Variants in BRAT1 observed in about 807,000 individuals in gnomAD.
The protein encoded by BRAT1 is integrator complex assembly factor BRAT1.
In BRAT1, 74 loss-of-function variants were observed where a neutral mutation model predicts 70.6. That is an observed-to-expected ratio of 1.05 (90% CI 0.87 to 1.27). The LOEUF is 1.27. BRAT1 is among the 50% of genes most tolerant of loss of function. The pLI is 0.00. For missense variants in BRAT1, 1,203 were observed against 1,098.2 expected, an observed-to-expected ratio of 1.10 and a Z score of -1.35; for synonymous variants, 615 against 517.1, an observed-to-expected ratio of 1.19 and a Z score of -2.57.
rs1292589124 is a variant in BRAT1 at position 2,543,932 on chromosome 7, C to T, written c.461G>A (p.Gly154Glu). The change falls in exon 5 of 14, where the codon GGA becomes GAA. Residue 154 changes from glycine to glutamate, a missense_variant. Coordinates refer to ENST00000340611, the MANE Select transcript of BRAT1 (RefSeq NM_152743.4). The surrounding 1 kb of genome is among the most constrained non-coding windows in gnomAD (Gnocchi z 5.5). ...CGAGGCCACAAACAGGCTGGAGTCT[C>T]CCTGCAGGGAGAAGATGGTGTCGAC... ...GAVDTIFSLQGDSSLFVASAA... is the reference protein window; with the variant it reads ...GAVDTIFSLQEDSSLFVASAA... 1.9e-6 allele frequency: 3 copies of T among 1,594,214 alleles called. No individual in the cohort carries two copies. Among genetic ancestry groups the T allele is most frequent in the Non-Finnish European group, 8.6e-7 (1 of 1,166,752 alleles).
At chr7:2,552,886 C>T (rs1780143108) in intron 2 of BRAT1, among the ~76,000 whole-genome samples, 1 of 150,272 alleles carries the variant, frequency 6.7e-6, no homozygotes, top group Admixed American at 6.6e-5. Context: ...TACAGGCGCC[C>T]ACCACCACGT....
Position 2,547,321 on chromosome 7 carries a change from C to T in BRAT1, c.282+3G>A, listed in dbSNP as rs760173560. 1.7e-5 allele frequency: 28 copies of T among 1,614,062 alleles called. No individual in the cohort carries two copies. The highest frequency in any genetic ancestry group is 2.0e-5 in the Non-Finnish European group (24 of 1,179,984). ...ACACTCAGGTGGGAGGCCCCAGGCT[C>T]ACCTGAAGATACTGGAAGCAGTTTT... On this transcript the variant is annotated splice_donor_region_variant and intron_variant, in intron 3 of 13. Coordinates refer to ENST00000340611, the MANE Select transcript of BRAT1 (RefSeq NM_152743.4).
At chr7:2,540,571 C>CTCAGCGGCAGG in intron 10 of BRAT1, 1 of 179,208 alleles carries the variant, frequency 5.6e-6, no homozygotes, top group Non-Finnish European at 1.2e-5. Flanking sequence ...CTGCTGTCTG[C>CTCAGCGGCAGG]TCAGCGGCAG....
chr7:2,538,808 G>C, intron 13 of BRAT1, 44 bp from the exon 14 acceptor site: 1 of 1,593,674 alleles, frequency 6.3e-7, no homozygotes, highest in Non-Finnish European at 8.5e-7. Flanking sequence ...GGGGTGGCAG[G>C]AGCGAGGCTC....
intron 12 of BRAT1, 86 bp from the exon 13 acceptor site, chr7:2,539,437 C>G: frequency 6.6e-7 from 1 of 1,509,192 alleles, no homozygotes; most frequent in Non-Finnish European, 8.9e-7. Context: ...TTGTGGGCAG[C>G]CGACATGGCC....
At chr7:2,540,566 G>C in intron 10 of BRAT1, 1 of 176,800 alleles carries the variant, frequency 5.7e-6, no homozygotes, top group East Asian at 1.5e-4. Context: ...GTTGTCTGCT[G>C]TCTGCTCAGC....
At chr7:2,544,097 C>CA (rs995663519) in intron 4 of BRAT1, 135 bp from the exon 5 acceptor site, 3 of 665,962 alleles carry the variant, frequency 4.5e-6, no homozygotes, top group Non-Finnish European at 4.6e-6. Context: ...CACTCAAAAG[C>CA]AAAAAAGAAC....
At chr7:2,553,736 C>T (rs560367717) in intron 2 of BRAT1, among the ~76,000 whole-genome samples, 18 of 151,946 alleles carry the variant, frequency 1.2e-4, no homozygotes, top group Non-Finnish European at 2.2e-4. Context: ...CTCTACCTCC[C>T]GGACTCAAAG....
At position 2,554,351 on chromosome 7, in the gene BRAT1, G is replaced by C. The variant is rs942240645; in HGVS notation, c.81C>G (p.Thr27=). The part of the protein sequence containing the change: ...VDPRQPVADD[T]CLEKLLDWFK... The stretch of plus-strand genomic sequence containing the variant: ...ACCAGTCCAGGAGCTTCTCCAAACA[G>C]GTGTCATCTGCCACCGGCTGCCTGG... The change falls in exon 2 of 14, where the codon ACC becomes ACG. Residue 27 remains threonine, a synonymous_variant. Coordinates refer to ENST00000340611, the MANE Select transcript of BRAT1 (RefSeq NM_152743.4). 3 of 1,614,052 alleles carry C rather than the reference G, an allele frequency of 1.9e-6. No homozygotes were observed. The highest frequency in any genetic ancestry group is 2.5e-6 in the Non-Finnish European group (3 of 1,179,956).
rs758850295 is a variant in BRAT1 at position 2,539,214 on chromosome 7, C to T, written c.1735G>A (p.Ala579Thr). 17 of 1,609,610 alleles carry T rather than the reference C, an allele frequency of 1.1e-5. No homozygotes were observed. Among genetic ancestry groups the T allele is most frequent in the Admixed American group, 5.0e-5 (3 of 59,948 alleles). The stretch of plus-strand genomic sequence containing the variant: ...TCTGCATGCTCAGGGCTGGTGGGGG[C>T]GTGCAGGCCCTGGCTGGACAGCTGC... ...MGQLSSQGLH[A>T]PTSPEHAEAR... The change falls in exon 13 of 14, where the codon GCC (alanine) becomes ACC (threonine). Residue 579 changes from alanine (A) to threonine (T), a missense_variant. Transcript: ENST00000340611.
At chr7:2,555,381 C>A (rs1427024433) in intron 1 of BRAT1, 106 bp downstream of exon 1, 1 of 152,214 alleles carries the variant, frequency 6.6e-6, no homozygotes, top group Non-Finnish European at 1.5e-5. Flanking sequence ...GTCGCGCACG[C>A]CCCGGGCTGG....
intron 10 of BRAT1, chr7:2,540,730 G>T: frequency 2.4e-6 from 1 of 415,766 alleles, no homozygotes; most frequent in South Asian, 7.5e-5. Context: ...TTCCCCGCAG[G>T]CCGCCTGACC....
chr7:2,540,226 G>A (rs1779042829), intron 10 of BRAT1: 2 of 250,194 alleles, frequency 8.0e-6, no homozygotes, highest in East Asian at 1.6e-4. Flanking sequence ...TATACTCCTG[G>A]GGCTAATTTT....
chr7:2,543,051 C>G lies in BRAT1; in HGVS notation c.923+153G>C. The stretch of plus-strand genomic sequence containing the variant: ...TAAAGAACCTTCAGAAGCTGCCGCG[C>G]GCAACCCACGCACCACCCAGTCACA... On this transcript the variant is annotated intron_variant, in intron 6 of 13. Coordinates refer to ENST00000340611, the MANE Select transcript of BRAT1 (RefSeq NM_152743.4). The surrounding 1 kb of genome is among the most constrained non-coding windows in gnomAD (Gnocchi z 5.5). 1 of 925,160 alleles carries G rather than the reference C, an allele frequency of 1.1e-6. No homozygotes were observed. Among genetic ancestry groups the G allele is most frequent in the Non-Finnish European group, 1.6e-6 (1 of 633,372 alleles). 57.3% of individuals were successfully genotyped at this position (925,160 alleles called of 1,614,324 possible). A position where few individuals can be genotyped will look rare whatever the true frequency, so the allele number is the denominator to read the frequency against.
intron 12 of BRAT1, 64 bp from the exon 13 acceptor site, chr7:2,539,415 G>C (rs1778967756): frequency 6.5e-7 from 1 of 1,543,084 alleles, no homozygotes; most frequent in African/African-American, 1.4e-5. Flanking sequence ...CTCGGCCTCT[G>C]CCTCCATCCC....
rs1485948337 is a variant in BRAT1 at position 2,537,935 on chromosome 7, G to C, written c.*134C>G. 1 of 1,333,090 alleles carries C rather than the reference G, an allele frequency of 7.5e-7. No homozygotes were observed. Among genetic ancestry groups the C allele is most frequent in the Non-Finnish European group, 9.7e-7 (1 of 1,032,130 alleles). 82.6% of individuals were successfully genotyped at this position (1,333,090 alleles called of 1,614,324 possible). On this transcript the variant is annotated 3_prime_UTR_variant, in exon 14 of 14. Transcript: ENST00000340611. ...TCAAACTGTGGGATTTCTTGACCTTGCTTCTCTCCTGGTCCTGGCTTCCCC... is the reference window on the plus strand; with the variant it reads ...TCAAACTGTGGGATTTCTTGACCTTCCTTCTCTCCTGGTCCTGGCTTCCCC...
chr7:2,549,033 G>A (rs1779813110), intron 2 of BRAT1, among the ~76,000 whole-genome samples: 1 of 152,088 alleles, frequency 6.6e-6, no homozygotes, highest in Non-Finnish European at 1.5e-5. Context: ...ATTGTTGAAG[G>A]GTTTTGAAAC....
At chr7:2,547,965 T>C (rs2128404607) in intron 2 of BRAT1, among the ~76,000 whole-genome samples, 1 of 152,142 alleles carries the variant, frequency 6.6e-6, no homozygotes, top group Admixed American at 6.6e-5. Flanking sequence ...ATGCCTGTAG[T>C]CCCAGCTAAT....
chr7:2,545,753 G>T (rs898891782), intron 3 of BRAT1, among the ~76,000 whole-genome samples: 4 of 152,148 alleles, frequency 2.6e-5, no homozygotes, highest in Non-Finnish European at 5.9e-5. Flanking sequence ...GCCTCCCAAA[G>T]TGCTGGGATT....
Sources: allele counts gnomAD v4.1 joint callset (sites outside exome capture counted in the v4.1 genomes callset), GRCh38; gene constraint gnomAD v4.1.1; non-coding constraint Gnocchi (gnomAD v3.1); transcripts MANE v1.5; gene names NCBI Gene and HGNC (gene_info 2026-07-23, HGNC 2026-07-21).